Variants in CNTN1 observed in about 807,000 individuals in gnomAD.
CNTN1 encodes the protein contactin 1, also known as contactin-1.
In CNTN1, 38 loss-of-function variants were observed where a neutral mutation model predicts 126.4. The ratio of observed to expected loss-of-function variants is 0.30; its 90% confidence interval spans 0.23 to 0.39. The LOEUF is 0.39. Ranked by LOEUF, CNTN1 falls within the 10% of genes least tolerant of loss-of-function variation. The pLI, the probability that CNTN1 is intolerant of heterozygous loss-of-function variation, is 1.00. For synonymous variants in CNTN1, 413 were observed against 422.6 expected (o/e 0.98, Z 0.28); for missense variants, 1,009 against 1,248.4 (o/e 0.81, Z 2.89).
rs151126410 is a variant in CNTN1, at chr12:40,936,890, G to T, written c.1095G>T (p.Leu365Phe). Residue 365 changes from leucine (L) to phenylalanine (F), a missense_variant, in exon 10 of 24, where the codon TTG becomes TTT. Transcript: ENST00000551295. ...TGKPIPTIRW[L>F]KNGYAYHKGE... ...AGCCCATCCCTACAATCCGATGGTT[G>T]AAAAATGGATATGCGGTATGTATGT... 2.7e-4 allele frequency: 443 copies of T among 1,612,938 alleles called. 1 individual carries two copies. The highest frequency in any genetic ancestry group is 3.5e-4 in the Non-Finnish European group (407 of 1,179,294).
chr12:40,820,486 C>T (rs1592123990), intron 1 of CNTN1, among the ~76,000 whole-genome samples: 2 of 152,130 alleles, frequency 1.3e-5, no homozygotes, highest in East Asian at 3.9e-4. Flanking sequence ...GTGTAGGTAA[C>T]TCTCAGGGAC....
At chr12:41,051,198 A>T (rs1004737709) in intron 23 of CNTN1, among the ~76,000 whole-genome samples, 2 of 132,454 alleles carry the variant, frequency 1.5e-5, no homozygotes, top group Non-Finnish European at 3.0e-5. Context: ...CCCAGGCTGG[A>T]GTGCAGTGGT....
chr12:40,835,441 A>G (rs935319669), intron 1 of CNTN1, among the ~76,000 whole-genome samples: 1 of 152,178 alleles, frequency 6.6e-6, no homozygotes, highest in African/African-American at 2.4e-5. Flanking sequence ...AATTTGCCAC[A>G]TTATAAGCTT....
At chr12:40,876,830 CTT>C (rs1024258952) in intron 1 of CNTN1, among the ~76,000 whole-genome samples, 1 of 151,952 alleles carries the variant, frequency 6.6e-6, no homozygotes, top group Non-Finnish European at 1.5e-5. Context: ...TTTAACAAAA[CTT>C]TTTGATAGAA....
At chr12:40,839,359 T>C (rs1942192178) in intron 1 of CNTN1, among the ~76,000 whole-genome samples, 1 of 152,176 alleles carries the variant, frequency 6.6e-6, no homozygotes, top group South Asian at 2.1e-4. Flanking sequence ...TTAGAAACTG[T>C]TTAACGAAAT....
chr12:41,043,327 A>G (rs1425481744), intron 23 of CNTN1, among the ~76,000 whole-genome samples: 5 of 152,300 alleles, frequency 3.3e-5, no homozygotes, highest in Admixed American at 3.3e-4. Flanking sequence ...AACCCCATCA[A>G]AAAGTGGGCA....
intron 16 of CNTN1, among the ~76,000 whole-genome samples, chr12:40,987,349 A>T (rs1229561980): frequency 3.3e-5 from 5 of 152,188 alleles, no homozygotes; most frequent in African/African-American, 7.2e-5. Context: ...AAGGCAATCT[A>T]TTGTAAATTT....
intron 17 of CNTN1, among the ~76,000 whole-genome samples, chr12:41,005,744 T>C (rs1427594261): frequency 6.6e-6 from 1 of 152,242 alleles, no homozygotes; most frequent in African/African-American, 2.4e-5. Flanking sequence ...TATGAAATTC[T>C]TGTAGTGTGT....
intron 1 of CNTN1, among the ~76,000 whole-genome samples, chr12:40,890,339 T>G (rs1944198308): frequency 6.6e-6 from 1 of 152,182 alleles, no homozygotes; most frequent in South Asian, 2.1e-4. Context: ...GAACCCGCAC[T>G]GATACATTAT....
chr12:40,977,496 T>TG (rs988580190), intron 15 of CNTN1, among the ~76,000 whole-genome samples: 1 of 152,092 alleles, frequency 6.6e-6, no homozygotes, highest in Non-Finnish European at 1.5e-5. Flanking sequence ...TTCAGATGGC[T>TG]GGGGGGCTTA....
At chr12:40,838,069 G>T (rs1437112347) in intron 1 of CNTN1, among the ~76,000 whole-genome samples, 1 of 152,320 alleles carries the variant, frequency 6.6e-6, no homozygotes, top group East Asian at 1.9e-4. Flanking sequence ...GTTGGTGCTT[G>T]CTTTCCCCAC....
chr12:41,041,383 G>A (rs1320574414), intron 23 of CNTN1, among the ~76,000 whole-genome samples: 2 of 151,920 alleles, frequency 1.3e-5, no homozygotes, highest in Admixed American at 1.3e-4. Context: ...TTTCTTTTTT[G>A]GTTGTGTCTC....
intron 1 of CNTN1, among the ~76,000 whole-genome samples, chr12:40,726,555 T>C (rs1798197541): frequency 6.6e-6 from 1 of 152,144 alleles, no homozygotes; most frequent in South Asian, 2.1e-4. Flanking sequence ...CAGAAAAGTG[T>C]GGGGGAAACC....
intron 16 of CNTN1, among the ~76,000 whole-genome samples, chr12:40,982,872 C>A (rs7958918): frequency 0.015 from 2,077 of 140,142 alleles, 22 homozygotes; most frequent in Non-Finnish European, 0.023. Flanking sequence ...TATTCTCACT[C>A]ATAGGTGGGA....
chr12:40,708,977 G>A (rs946204564), intron 1 of CNTN1, among the ~76,000 whole-genome samples: 2 of 152,064 alleles, frequency 1.3e-5, no homozygotes, highest in Admixed American at 6.6e-5. Context: ...CTGATACTTC[G>A]ATTTGACTTC....
intron 3 of CNTN1, among the ~76,000 whole-genome samples, chr12:40,914,277 T>C (rs1458815865): frequency 6.6e-6 from 1 of 152,122 alleles, no homozygotes; most frequent in Non-Finnish European, 1.5e-5. Flanking sequence ...GAAATATCCC[T>C]CAAAATTCTT....
intron 1 of CNTN1, among the ~76,000 whole-genome samples, chr12:40,876,307 A>G (rs1943666200): frequency 6.6e-6 from 1 of 152,142 alleles, no homozygotes; most frequent in African/African-American, 2.4e-5. Context: ...TCAAATTCAA[A>G]AAAGCATACT....
intron 1 of CNTN1, among the ~76,000 whole-genome samples, chr12:40,756,380 G>A (rs928247254): frequency 1.3e-5 from 2 of 152,136 alleles, no homozygotes; most frequent in Admixed American, 1.3e-4. Flanking sequence ...AACCATAGGA[G>A]CTGCAGTGGC....
chr12:40,721,137 C>A (rs925772307), intron 1 of CNTN1, among the ~76,000 whole-genome samples: 2 of 152,066 alleles, frequency 1.3e-5, no homozygotes, highest in African/African-American at 4.8e-5. Flanking sequence ...GAATCCCAGG[C>A]ATCACACTTA....
Sources: gnomAD v4.1 joint callset for allele counts (sites outside exome capture counted in the v4.1 genomes callset) on GRCh38, gnomAD v4.1.1 for gene constraint, MANE v1.5 for transcripts, NCBI Gene and HGNC (gene_info 2026-07-23, HGNC 2026-07-21) for gene names.